MARCHF3: variants seen among roughly 807,000 people sequenced by gnomAD.
MARCHF3 encodes the protein membrane associated ring-CH-type finger 3, also known as E3 ubiquitin-protein ligase MARCHF3.
MARCHF3 carries 13 observed loss-of-function variants against 24.2 expected under a neutral mutation model. The ratio of observed to expected loss-of-function variants is 0.54; its 90% CI spans 0.35 to 0.85. The LOEUF (loss-of-function observed/expected upper bound fraction) is 0.85, where lower values mean the gene tolerates loss of function less well. Ranked by LOEUF, MARCHF3 falls within the 40% of genes least tolerant of loss-of-function variation. MARCHF3 has a pLI of 0.01. For missense variants in MARCHF3, 276 were observed against 325.0 expected, an observed-to-expected ratio of 0.85 and a Z score of 1.16; for synonymous variants, 144 against 137.3, an observed-to-expected ratio of 1.05 and a Z score of -0.34.
At chr5:126,933,848 G>A (rs1023576173) in intron 1 of MARCHF3, among the ~76,000 whole-genome samples, 1 of 152,170 alleles carries the variant, frequency 6.6e-6, no homozygotes, top group East Asian at 1.9e-4. Flanking sequence ...GTTCCTAGGT[G>A]AATTACCCAT....
intron 4 of MARCHF3, among the ~76,000 whole-genome samples, chr5:126,875,356 G>C (rs962635531): frequency 1.3e-5 from 2 of 152,206 alleles, no homozygotes; most frequent in Non-Finnish European, 2.9e-5. Flanking sequence ...GAAACTCCAA[G>C]GCACTCTGAG....
intron 1 of MARCHF3, among the ~76,000 whole-genome samples, chr5:126,982,528 A>C (rs1351819152): frequency 6.6e-6 from 1 of 152,152 alleles, no homozygotes; most frequent in African/African-American, 2.4e-5. Flanking sequence ...CCATCTGCAG[A>C]GAGTCTGACT....
intron 3 of MARCHF3, among the ~76,000 whole-genome samples, chr5:126,880,272 C>T (rs1437494273): frequency 6.6e-6 from 1 of 152,142 alleles, no homozygotes; most frequent in African/African-American, 2.4e-5. Context: ...CAGGGACAAG[C>T]CACCTTAAAC....
chr5:126,871,810 G>A (rs958211859), intron 4 of MARCHF3, among the ~76,000 whole-genome samples: 10 of 151,810 alleles, frequency 6.6e-5, no homozygotes, highest in Non-Finnish European at 8.8e-5. Context: ...GGGTTCAAGC[G>A]ATTCTTGTGC....
At chr5:126,929,125 C>T in intron 1 of MARCHF3, among the ~76,000 whole-genome samples, 1 of 152,204 alleles carries the variant, frequency 6.6e-6, no homozygotes, top group East Asian at 1.9e-4. Flanking sequence ...CCCTTTCTTC[C>T]CAAGCCATTG....
At chr5:126,995,780 A>G (rs994700216) in intron 1 of MARCHF3, among the ~76,000 whole-genome samples, 3 of 152,252 alleles carry the variant, frequency 2.0e-5, no homozygotes, top group Non-Finnish European at 4.4e-5. Context: ...AGAATTCACT[A>G]AATGGAAATG....
intron 1 of MARCHF3, among the ~76,000 whole-genome samples, chr5:127,020,939 G>A (rs1201880555): frequency 1.3e-5 from 2 of 152,144 alleles, no homozygotes; most frequent in Admixed American, 6.5e-5. Flanking sequence ...GCCACGTGAA[G>A]TTATGGTGAA....
chr5:126,906,603 G>A (rs1230850263), intron 3 of MARCHF3, among the ~76,000 whole-genome samples: 40 of 152,246 alleles, frequency 2.6e-4, no homozygotes, highest in South Asian at 2.5e-3. Context: ...GTTTATTTGC[G>A]TAGAGGTGTT....
chr5:126,932,210 C>A (rs1363815817), intron 1 of MARCHF3, among the ~76,000 whole-genome samples: 2 of 152,238 alleles, frequency 1.3e-5, no homozygotes, highest in South Asian at 2.1e-4. Context: ...AGTGGAGAAG[C>A]AGAAACAAAG....
chr5:126,956,045 C>T (rs951655071), intron 1 of MARCHF3, among the ~76,000 whole-genome samples: 10 of 152,074 alleles, frequency 6.6e-5, no homozygotes, highest in Non-Finnish European at 1.2e-4. Flanking sequence ...CCTTTCTTTT[C>T]CCACTTATTT....
chr5:127,020,959 T>G (rs1752786904), intron 1 of MARCHF3, among the ~76,000 whole-genome samples: 1 of 152,170 alleles, frequency 6.6e-6, no homozygotes, highest in Non-Finnish European at 1.5e-5. Flanking sequence ...AAAGGCACCA[T>G]CTGTGGGGAA....
intron 4 of MARCHF3, among the ~76,000 whole-genome samples, chr5:126,873,964 TAGA>T (rs1268851499): frequency 5.9e-5 from 9 of 152,320 alleles, no homozygotes; most frequent in East Asian, 3.9e-4. Flanking sequence ...AGGTCTAATT[TAGA>T]AGAAGAATAA....
intron 3 of MARCHF3, among the ~76,000 whole-genome samples, chr5:126,886,216 T>A (rs1022541239): frequency 6.6e-6 from 1 of 152,196 alleles, no homozygotes; most frequent in Non-Finnish European, 1.5e-5. Flanking sequence ...GAGGTTAAGT[T>A]CCTTGTTTAA....
chr5:126,963,406 T>C (rs774797984), intron 1 of MARCHF3, among the ~76,000 whole-genome samples: 3 of 152,000 alleles, frequency 2.0e-5, no homozygotes, highest in Non-Finnish European at 4.4e-5. Flanking sequence ...TAAACCAAAA[T>C]AGAAGATTTG....
intron 3 of MARCHF3, among the ~76,000 whole-genome samples, chr5:126,892,963 C>G (rs1025447720): frequency 1.6e-4 from 25 of 151,924 alleles, no homozygotes; most frequent in Non-Finnish European, 3.1e-4. Context: ...GCCACAATTT[C>G]AGATCCTGTT....
chr5:126,982,409 C>T (rs1434490049), intron 1 of MARCHF3, among the ~76,000 whole-genome samples: 2 of 152,206 alleles, frequency 1.3e-5, no homozygotes, highest in African/African-American at 4.8e-5. Context: ...GGTGATTCTG[C>T]TTAGACCCAC....
chr5:127,021,739 G>A lies in MARCHF3; in HGVS notation c.-57+8611C>T, dbSNP rs147345569. Among the ~76,000 whole-genome samples, 239 of 152,180 alleles carry A rather than the reference G, an allele frequency of 1.6e-3. 1 individual carries two copies. The highest frequency in any genetic ancestry group is 6.8e-3 in the Middle Eastern group (2 of 294). ...AGAAACAACACAACTTAATTAGGTA[G>A]ATCACCCAAAACACAAAAAATAGAG... On this transcript the variant is annotated intron_variant, in intron 1 of 4. Transcript: ENST00000308660.
chr5:126,928,560 A>AC (rs143070833), intron 1 of MARCHF3, among the ~76,000 whole-genome samples: 3 of 151,452 alleles, frequency 2.0e-5, no homozygotes, highest in Non-Finnish European at 4.4e-5. Context: ...TAGGCCATGG[A>AC]CCCCCCACTA....
chr5:127,022,942 A>G (rs1246306712), intron 1 of MARCHF3, among the ~76,000 whole-genome samples: 1 of 152,226 alleles, frequency 6.6e-6, no homozygotes, highest in Non-Finnish European at 1.5e-5. Context: ...TTAAAGCCCC[A>G]TAAGATCCAA....
Sources: gnomAD v4.1 joint callset for allele counts (sites outside exome capture counted in the v4.1 genomes callset) on GRCh38, gnomAD v4.1.1 for gene constraint, MANE v1.5 for transcripts, NCBI Gene and HGNC (gene_info 2026-07-23, HGNC 2026-07-21) for gene names.